The following GEN1 variants were observed in gnomAD, a reference collection of about 807,000 sequenced individuals.
GEN1 encodes the protein flap endonuclease GEN homolog 1.
GEN1 carries 64 observed loss-of-function variants against 67.6 expected under a neutral mutation model. The observed-to-expected ratio is 0.95, with a 90% CI of 0.77 to 1.17. The LOEUF is 1.17. GEN1 is among the 50% of genes most tolerant of loss of function. The pLI, the probability that GEN1 is intolerant of heterozygous loss-of-function variation, is 0.00. For synonymous variants in GEN1, 371 were observed against 359.4 expected (o/e 1.03, Z -0.37); for missense variants, 1,058 against 1,048.3 (o/e 1.01, Z -0.13).
At chr2:17,761,901 G>A (rs979351029) in intron 3 of GEN1, among the ~76,000 whole-genome samples, 2 of 152,062 alleles carry the variant, frequency 1.3e-5, no homozygotes, top group Admixed American at 6.6e-5. Context: ...TACATGGTAG[G>A]AACTTGATCA....
rs754737227 is a variant in GEN1 at position 17,761,583 on chromosome 2, G to T, written c.348+1G>T. On this transcript the variant is annotated splice_donor_variant, in intron 3 of 13. Coordinates refer to ENST00000381254, the MANE Select transcript of GEN1 (RefSeq NM_001130009.3). LOFTEE classifies it high-confidence loss of function. ...ACATTTTAAATCAGTCTTAAGAGAG[G>T]TGAGCATTCAGATTTGATTCAGTAA... 1 of 1,587,102 alleles carries T rather than the reference G, an allele frequency of 6.3e-7. No individual in the cohort carries two copies. Among genetic ancestry groups the T allele is most frequent in the South Asian group, 1.2e-5 (1 of 85,996 alleles).
In GEN1 at chr2:17,781,008, C is replaced by T. The variant is rs900274172; in HGVS notation, c.1796C>T (p.Pro599Leu). The change falls in exon 14 of 14, where the codon CCA (proline) becomes CTA (leucine). Residue 599 changes from proline (P) to leucine (L), a missense_variant. Coordinates refer to ENST00000381254, the MANE Select transcript of GEN1 (RefSeq NM_001130009.3). ...DWEGTSFSNS[P>L]AIQRNTFSHD... is the part of the protein sequence containing the mutation. ...GAAGGTACTTCTTTTAGTAATTCTCCAGCTATTCAAAGGAATACTTTTTCT... is the reference window on the plus strand; with the variant it reads ...GAAGGTACTTCTTTTAGTAATTCTCTAGCTATTCAAAGGAATACTTTTTCT... 1.9e-6 allele frequency: 3 copies of T among 1,613,638 alleles called. No individual in the cohort carries two copies. The highest frequency in any genetic ancestry group is 1.1e-5 in the South Asian group (1 of 91,050).
rs1337890492 is a variant in GEN1, at chr2:17,788,621, G to A, written c.*6682G>A. Reference sequence around the variant, plus strand: ...AAAAGGAAAATAACCTCCCCAAATGGTAAAAACTGCTTGTATATTTAGAAT... The same window carrying A: ...AAAAGGAAAATAACCTCCCCAAATGATAAAAACTGCTTGTATATTTAGAAT... On this transcript the variant is annotated 3_prime_UTR_variant, in exon 14 of 14. Transcript: ENST00000381254. 1 of 152,120 alleles carries A rather than the reference G, an allele frequency of 6.6e-6. No homozygotes were observed. The highest frequency in any genetic ancestry group is 1.5e-5 in the Non-Finnish European group (1 of 68,012). 9.4% of individuals were successfully genotyped at this position (152,120 alleles called of 1,614,324 possible).
intron 7 of GEN1, 100 bp from the exon 8 acceptor site, chr2:17,772,534 A>G (rs1672238529): frequency 1.1e-6 from 1 of 934,558 alleles, no homozygotes; most frequent in African/African-American, 1.7e-5. Context: ...GTGCTAGGCA[A>G]TATTAATTTT....
rs933833726 is a variant in GEN1, at chr2:17,784,447, A to G, written c.*2508A>G. The G allele has an allele frequency of 5.3e-5, 8 of 152,238 alleles. No homozygotes were observed. Among genetic ancestry groups the G allele is most frequent in the South Asian group, 2.1e-4 (1 of 4,834 alleles). 9.4% of individuals were successfully genotyped at this position (152,238 alleles called of 1,614,324 possible). On this transcript the variant is annotated 3_prime_UTR_variant, in exon 14 of 14. Transcript: ENST00000381254. Reference sequence around the variant, plus strand: ...TGTAGAGTTACGATATGATCCAGCAATTCCTCTCCCAGGTATATACCCAAG... The same window carrying G: ...TGTAGAGTTACGATATGATCCAGCAGTTCCTCTCCCAGGTATATACCCAAG...
chr2:17,783,351 A>G lies in GEN1; in HGVS notation c.*1412A>G, dbSNP rs1260726051. ...TGGGATTACAGGTGTGAATCACCAT[A>G]CTCAGCCTCAATTGTATTTCTGTAC... On this transcript the variant is annotated 3_prime_UTR_variant, in exon 14 of 14. Transcript: ENST00000381254. 3 of 152,128 alleles carry G rather than the reference A, an allele frequency of 2.0e-5. No individual in the cohort carries two copies. Among genetic ancestry groups the G allele is most frequent in the Non-Finnish European group, 4.4e-5 (3 of 68,030 alleles). The allele number at this position is 152,128 out of a possible 1,614,324, so 9.4% of individuals were successfully genotyped here.
In GEN1 at chr2:17,785,253, A is replaced by G. The variant is rs576973308; in HGVS notation, c.*3314A>G. 3.3e-5 allele frequency: 5 copies of G among 152,370 alleles called. No homozygotes were observed. The highest frequency in any genetic ancestry group is 4.1e-4 in the South Asian group (2 of 4,830). The allele number at this position is 152,370 out of a possible 1,614,324, so 9.4% of individuals were successfully genotyped here. ...CTAATATAGGCATAAGTGTAAAATT[A>G]TAGTTCCTCCTCCTCAAGGATTTCT... is the stretch of plus-strand genomic sequence containing the variant. On this transcript the variant is annotated 3_prime_UTR_variant, in exon 14 of 14. Transcript: ENST00000381254.
rs536771365 is a variant in GEN1, at chr2:17,783,044, A to T, written c.*1105A>T. Reference sequence around the variant, plus strand: ...AATACAAGACCAATGTGCAATGATCATTGCATTTTGTTTTTGTTTGTTTGT... The same window carrying T: ...AATACAAGACCAATGTGCAATGATCTTTGCATTTTGTTTTTGTTTGTTTGT... On this transcript the variant is annotated 3_prime_UTR_variant, in exon 14 of 14. Transcript: ENST00000381254. 6.6e-6 allele frequency: 1 copy of T among 152,110 alleles called. No individual in the cohort carries two copies. Among genetic ancestry groups the T allele is most frequent in the African/African-American group, 2.4e-5 (1 of 41,416 alleles). 9.4% of individuals were successfully genotyped at this position (152,110 alleles called of 1,614,324 possible). A position where few individuals can be genotyped will look rare whatever the true frequency, so the allele number is the denominator to read the frequency against.
intron 7 of GEN1, among the ~76,000 whole-genome samples, chr2:17,772,150 G>T (rs1454750391): frequency 1.3e-5 from 2 of 151,958 alleles, no homozygotes; most frequent in African/African-American, 2.4e-5. Context: ...ATGTTCCAAG[G>T]ATAGTTTAAA....
Position 17,785,524 on chromosome 2 carries a change from C to T in GEN1, c.*3585C>T, listed in dbSNP as rs1355323109. The T allele has an allele frequency of 6.6e-6, 1 of 152,296 alleles. No homozygotes were observed. Among genetic ancestry groups the T allele is most frequent in the Admixed American group, 6.5e-5 (1 of 15,288 alleles). 9.4% of individuals were successfully genotyped at this position (152,296 alleles called of 1,614,324 possible). A position where few individuals can be genotyped will look rare whatever the true frequency, so the allele number is the denominator to read the frequency against. On this transcript the variant is annotated 3_prime_UTR_variant, in exon 14 of 14. Coordinates refer to ENST00000381254, the MANE Select transcript of GEN1 (RefSeq NM_001130009.3). The stretch of plus-strand genomic sequence containing the variant: ...GATGGCTCCATGCTAAGGCCCTGCT[C>T]TGGCCTAACTGCTTTGGGCTTTGTG...
At chr2:17,756,727 G>C (rs554327307) in intron 1 of GEN1, among the ~76,000 whole-genome samples, 4 of 152,134 alleles carry the variant, frequency 2.6e-5, no homozygotes, top group African/African-American at 9.7e-5. Context: ...TGCCCGGCTA[G>C]TGTAGTATTT....
intron 5 of GEN1, 128 bp downstream of exon 5, chr2:17,766,817 A>G: frequency 1.8e-6 from 1 of 562,800 alleles, no homozygotes; most frequent in Non-Finnish European, 3.1e-6. Context: ...TTCAGGCATA[A>G]TAAGCTATTC....
At chr2:17,763,444 G>A (rs1277199580) in intron 3 of GEN1, among the ~76,000 whole-genome samples, 1 of 152,144 alleles carries the variant, frequency 6.6e-6, no homozygotes, top group Non-Finnish European at 1.5e-5. Context: ...TAATTATGGT[G>A]TTCTTAGGCA....
chr2:17,759,134 T>C (rs993782543), intron 1 of GEN1, among the ~76,000 whole-genome samples: 22 of 152,196 alleles, frequency 1.4e-4, no homozygotes, highest in Non-Finnish European at 2.9e-4. Flanking sequence ...TGAAGGTCAT[T>C]ATTTAGAGGA....
In GEN1 at chr2:17,778,419, TGTAC is replaced by T. The variant is rs376461532; in HGVS notation, c.1264+357_1264+360del. 1.0e-3 allele frequency among the ~76,000 whole-genome samples: 38 copies of T among 37,372 alleles called. 3 individuals carry two copies. The highest frequency in any genetic ancestry group is 1.9e-3 in the African/African-American group (34 of 17,492). 24.5% of individuals were successfully genotyped at this position (37,372 alleles called of 152,430 possible). ...ATATGTATATACACACATATATGTG[TGTAC>T]ATATATGTATATACACACACATATA... is the stretch of plus-strand genomic sequence containing the variant. On this transcript the variant is annotated intron_variant, in intron 12 of 13. Coordinates refer to ENST00000381254, the MANE Select transcript of GEN1 (RefSeq NM_001130009.3).
chr2:17,754,419 G>A (rs376475943), intron 1 of GEN1, 74 bp downstream of exon 1: 13 of 152,190 alleles, frequency 8.5e-5, no homozygotes, highest in African/African-American at 3.1e-4. Context: ...TCTGGCTTAC[G>A]GACGAGCTCT....
At chr2:17,768,357 T>G (rs1672026339) in intron 5 of GEN1, among the ~76,000 whole-genome samples, 1 of 152,230 alleles carries the variant, frequency 6.6e-6, no homozygotes, top group Non-Finnish European at 1.5e-5. Context: ...TTAAATGAAC[T>G]TGCTTTTTCC....
chr2:17,754,695 A>T (rs1671319483), intron 1 of GEN1: 1 of 152,306 alleles, frequency 6.6e-6, no homozygotes, highest in South Asian at 2.1e-4. Flanking sequence ...CCTGGTCCCC[A>T]TAGGCACAGT....
chr2:17,759,806 TG>T (rs1671590581), intron 1 of GEN1, 122 bp from the exon 2 acceptor site: 2 of 753,326 alleles, frequency 2.7e-6, no homozygotes, highest in Non-Finnish European at 4.0e-6. Flanking sequence ...CGCTGACTGA[TG>T]AAAAAAATAA....
Sources: gnomAD v4.1 joint callset for allele counts (sites outside exome capture counted in the v4.1 genomes callset) on GRCh38, gnomAD v4.1.1 for gene constraint, MANE v1.5 for transcripts, NCBI Gene and HGNC (gene_info 2026-07-23, HGNC 2026-07-21) for gene names.